The following DNM3 variants were observed in gnomAD, a reference collection of about 807,000 sequenced individuals.
The protein encoded by DNM3 is dynamin 3.
A neutral mutation model predicts 101.6 loss-of-function variants in DNM3; 47 were observed. That is an observed-to-expected ratio of 0.46 (90% CI 0.37 to 0.59). DNM3 has a LOEUF of 0.59. Ranked by LOEUF, DNM3 falls within the 20% of genes least tolerant of loss-of-function variation. The pLI is 0.00. For missense variants in DNM3, 849 were observed against 1,085.7 expected (o/e 0.78, Z 3.06); for synonymous variants, 385 against 387.9 (o/e 0.99, Z 0.09).
At chr1:171,968,664 G>T (rs1232704610) in intron 2 of DNM3, among the ~76,000 whole-genome samples, 7 of 151,724 alleles carry the variant, frequency 4.6e-5, no homozygotes, top group Non-Finnish European at 3.0e-5. Flanking sequence ...CTTGGTATGT[G>T]TTGGGCTTAG....
At chr1:172,396,033 C>T (rs1320716229) in intron 20 of DNM3, among the ~76,000 whole-genome samples, 2 of 152,204 alleles carry the variant, frequency 1.3e-5, no homozygotes, top group African/African-American at 2.4e-5. Flanking sequence ...TAGGTATTTG[C>T]GCCGTCTCCT....
chr1:172,180,769 G>C (rs1490295739), intron 14 of DNM3, among the ~76,000 whole-genome samples: 1 of 152,056 alleles, frequency 6.6e-6, no homozygotes, highest in Non-Finnish European at 1.5e-5. Flanking sequence ...GCAAATCTCA[G>C]AACTTTAATC....
chr1:172,143,255 T>G (rs1335316485), intron 14 of DNM3, among the ~76,000 whole-genome samples: 1 of 152,150 alleles, frequency 6.6e-6, no homozygotes, highest in Admixed American at 6.6e-5. Flanking sequence ...CCACTGTAAC[T>G]TTAAAGGAGG....
intron 17 of DNM3, among the ~76,000 whole-genome samples, chr1:172,375,611 A>G (rs1256699301): frequency 6.6e-6 from 1 of 152,122 alleles, no homozygotes; most frequent in Non-Finnish European, 1.5e-5. Flanking sequence ...ACAAAAACAA[A>G]ACACCTGAAA....
chr1:172,247,291 G>T (rs1261513654), intron 14 of DNM3, among the ~76,000 whole-genome samples: 1 of 152,092 alleles, frequency 6.6e-6, no homozygotes, highest in East Asian at 1.9e-4. Flanking sequence ...AGGAGAAAAA[G>T]ACAACAATTA....
chr1:172,073,311 A>G (rs2052368627), intron 11 of DNM3, among the ~76,000 whole-genome samples: 1 of 151,904 alleles, frequency 6.6e-6, no homozygotes, highest in South Asian at 2.1e-4. Flanking sequence ...ATATGTGTAC[A>G]TATTTGAACA....
intron 1 of DNM3, among the ~76,000 whole-genome samples, chr1:171,880,708 A>C (rs762681184): frequency 6.6e-6 from 1 of 152,160 alleles, no homozygotes; most frequent in Non-Finnish European, 1.5e-5. Context: ...TATGTGTAAA[A>C]ATGTCTAGGA....
intron 1 of DNM3, among the ~76,000 whole-genome samples, chr1:171,870,426 A>G (rs1338843038): frequency 6.6e-6 from 1 of 152,070 alleles, no homozygotes; most frequent in Admixed American, 6.6e-5. Context: ...GCGACAGAGT[A>G]AGACTCCCTC....
intron 17 of DNM3, among the ~76,000 whole-genome samples, chr1:172,324,005 G>T (rs926853279): frequency 2.0e-5 from 3 of 152,118 alleles, no homozygotes; most frequent in Admixed American, 1.3e-4. Flanking sequence ...TTTTAATGTT[G>T]TTGTTATAAT....
intron 14 of DNM3, among the ~76,000 whole-genome samples, chr1:172,184,985 A>T (rs2059472235): frequency 6.6e-6 from 1 of 152,104 alleles, no homozygotes; most frequent in African/African-American, 2.4e-5. Flanking sequence ...CTAAGAGAGC[A>T]TCGAACATCT....
chr1:171,938,680 A>C (rs893757173), intron 2 of DNM3, among the ~76,000 whole-genome samples: 3 of 152,170 alleles, frequency 2.0e-5, no homozygotes, highest in Admixed American at 6.5e-5. Flanking sequence ...CAGTTGGAAA[A>C]ACATGCTTAT....
At chr1:172,300,042 A>C (rs1464747167) in intron 15 of DNM3, among the ~76,000 whole-genome samples, 1 of 152,038 alleles carries the variant, frequency 6.6e-6, no homozygotes, top group African/African-American at 2.4e-5. Flanking sequence ...AGCCTCACCA[A>C]CATCTGTTAT....
At chr1:171,921,958 A>C in intron 2 of DNM3, 137 bp downstream of exon 2, 1 of 660,928 alleles carries the variant, frequency 1.5e-6, no homozygotes. Context: ...TCTCTCCAGA[A>C]TGCTGCCTTC....
At chr1:172,325,876 C>A (rs2065917632) in intron 17 of DNM3, among the ~76,000 whole-genome samples, 1 of 152,054 alleles carries the variant, frequency 6.6e-6, no homozygotes, top group African/African-American at 2.4e-5. Context: ...TGAAGTCTGC[C>A]CAAATTAATG....
rs547445653 is a variant in DNM3, at chr1:172,165,266, A to C, written c.1659+33978A>C. On this transcript the variant is annotated intron_variant, in intron 14 of 20. Coordinates refer to ENST00000627582, the MANE Select transcript of DNM3 (RefSeq NM_015569.5). ...TTATCTCAAAAAAGTTTTTTTAGAA[A>C]GTGGAAAATAAAAGATAGAACAAAA... 1.6e-4 allele frequency among the ~76,000 whole-genome samples: 24 copies of C among 152,202 alleles called. No individual in the cohort carries two copies. In the South Asian group the frequency reaches 5.0e-3, roughly 32 times the overall value.
chr1:171,984,356 T>A (rs1436053108), intron 2 of DNM3, among the ~76,000 whole-genome samples: 1 of 152,126 alleles, frequency 6.6e-6, no homozygotes, highest in African/African-American at 2.4e-5. Flanking sequence ...GCCCTCCACA[T>A]CCAGGCCTGT....
At chr1:172,379,395 C>A (rs775854567) in intron 18 of DNM3, among the ~76,000 whole-genome samples, 10 of 151,920 alleles carry the variant, frequency 6.6e-5, no homozygotes, top group Non-Finnish European at 1.5e-4. Flanking sequence ...CTGAGGTATT[C>A]CCCATTGGCT....
At chr1:172,266,844 A>G (rs1345066860) in intron 15 of DNM3, among the ~76,000 whole-genome samples, 2 of 152,212 alleles carry the variant, frequency 1.3e-5, no homozygotes, top group Non-Finnish European at 2.9e-5. Flanking sequence ...TATCATTCTC[A>G]ATTGACCTAG....
intron 14 of DNM3, among the ~76,000 whole-genome samples, chr1:172,146,551 C>A (rs2057911282): frequency 6.6e-6 from 1 of 152,084 alleles, no homozygotes; most frequent in Non-Finnish European, 1.5e-5. Flanking sequence ...TAAGACTCAC[C>A]TCCCTTTTTT....
Sources: allele counts gnomAD v4.1 joint callset (sites outside exome capture counted in the v4.1 genomes callset), GRCh38; gene constraint gnomAD v4.1.1; transcripts MANE v1.5; gene names NCBI Gene and HGNC (gene_info 2026-07-23, HGNC 2026-07-21).